The following RSU1 variants were observed in gnomAD, a reference collection of about 807,000 sequenced individuals.
RSU1 encodes rsu-1.
A neutral mutation model predicts 31.1 loss-of-function variants in RSU1; 26 were observed. That is an observed-to-expected ratio of 0.84 (90% CI 0.61 to 1.16). RSU1 has a LOEUF of 1.16. RSU1 is among the 50% of genes most tolerant of loss of function. The pLI, the probability that RSU1 is intolerant of heterozygous loss-of-function variation, is 0.00. For synonymous variants in RSU1, 164 were observed against 136.3 expected (o/e 1.20, Z -1.41); for missense variants, 320 against 339.1 (o/e 0.94, Z 0.44).
chr10:16,757,116 C>CGTGTGT (rs368041257), intron 4 of RSU1, among the ~76,000 whole-genome samples: 7 of 137,584 alleles, frequency 5.1e-5, no homozygotes, highest in Non-Finnish European at 9.5e-5. Context: ...TGTGGGTGTG[C>CGTGTGT]GTGTGTGTGT....
chr10:16,726,487 G>A (rs953434003), intron 7 of RSU1, among the ~76,000 whole-genome samples: 6 of 151,940 alleles, frequency 3.9e-5, no homozygotes, highest in African/African-American at 1.2e-4. Flanking sequence ...GGATGGTCCC[G>A]ATATCTTGAC....
chr10:16,674,665 T>C (rs1447996099), intron 8 of RSU1, among the ~76,000 whole-genome samples: 1 of 151,918 alleles, frequency 6.6e-6, no homozygotes, highest in Non-Finnish European at 1.5e-5. Context: ...ACAGTGATAA[T>C]GGAAAAAACT....
chr10:16,744,176 G>A (rs1836803756), intron 7 of RSU1, among the ~76,000 whole-genome samples: 1 of 151,434 alleles, frequency 6.6e-6, no homozygotes. Context: ...TATAAGAGCT[G>A]AACTACTTTG....
At chr10:16,638,761 G>A (rs1834390935) in intron 8 of RSU1, among the ~76,000 whole-genome samples, 1 of 152,208 alleles carries the variant, frequency 6.6e-6, no homozygotes, top group African/African-American at 2.4e-5. Context: ...CGGGAATGGT[G>A]GGGTGCACGG....
At chr10:16,778,688 AGAGGAGGAGG>A (rs971773314) in intron 3 of RSU1, among the ~76,000 whole-genome samples, 2 of 152,214 alleles carry the variant, frequency 1.3e-5, no homozygotes, top group Admixed American at 6.5e-5. Context: ...AGGCTGGTAG[AGAGGAGGAGG>A]GAGGAGGAGA....
chr10:16,713,855 A>C (rs1836071186), intron 7 of RSU1, among the ~76,000 whole-genome samples: 1 of 152,102 alleles, frequency 6.6e-6, no homozygotes, highest in Admixed American at 6.6e-5. Context: ...TTCTTCCTGT[A>C]GATAGGTCCC....
At chr10:16,617,038 T>C (rs1228384036) in intron 8 of RSU1, among the ~76,000 whole-genome samples, 1 of 152,176 alleles carries the variant, frequency 6.6e-6, no homozygotes, top group Non-Finnish European at 1.5e-5. Flanking sequence ...AGAGAGGAAG[T>C]CAAATTGTCT....
chr10:16,701,324 T>C (rs1178195761), intron 7 of RSU1, among the ~76,000 whole-genome samples: 2 of 152,210 alleles, frequency 1.3e-5, no homozygotes, highest in African/African-American at 4.8e-5. Context: ...GCGTAATAGA[T>C]GACGGTCTAA....
At chr10:16,740,901 A>G (rs528824793) in intron 7 of RSU1, among the ~76,000 whole-genome samples, 240 of 152,352 alleles carry the variant, frequency 1.6e-3, no homozygotes, top group African/African-American at 5.3e-3. Context: ...AATAATCTAC[A>G]AATTCGGTGC....
intron 8 of RSU1, among the ~76,000 whole-genome samples, chr10:16,597,933 C>T (rs576526887): frequency 5.3e-5 from 8 of 152,340 alleles, no homozygotes; most frequent in East Asian, 1.9e-4. Flanking sequence ...TTTTACTAAG[C>T]GGCCATAAGT....
At chr10:16,651,338 AG>A (rs1834680995) in intron 8 of RSU1, among the ~76,000 whole-genome samples, 2 of 152,354 alleles carry the variant, frequency 1.3e-5, no homozygotes, top group Non-Finnish European at 2.9e-5. Flanking sequence ...AATTTATTCA[AG>A]GAAGTGTCAG....
At chr10:16,613,043 T>C (rs548343106) in intron 8 of RSU1, among the ~76,000 whole-genome samples, 26 of 152,284 alleles carry the variant, frequency 1.7e-4, no homozygotes, top group East Asian at 3.9e-4. Context: ...AATAACTCTT[T>C]GTTCAATTCA....
At chr10:16,725,785 C>A (rs1050321745) in intron 7 of RSU1, among the ~76,000 whole-genome samples, 1 of 148,182 alleles carries the variant, frequency 6.7e-6, no homozygotes, top group Non-Finnish European at 1.5e-5. Context: ...TTATAAATTA[C>A]CCAGTCTCAA....
intron 2 of RSU1, among the ~76,000 whole-genome samples, chr10:16,795,407 T>C (rs561796287): frequency 7.3e-6 from 1 of 137,416 alleles, no homozygotes; most frequent in East Asian, 2.2e-4. Flanking sequence ...CAAACAACAA[T>C]AGCTAATGCT....
intron 7 of RSU1, among the ~76,000 whole-genome samples, chr10:16,710,483 C>T (rs1027186650): frequency 1.3e-5 from 2 of 151,994 alleles, no homozygotes; most frequent in African/African-American, 4.8e-5. Flanking sequence ...GTTGTTGTAT[C>T]GTTGTCTGGT....
At chr10:16,771,297 T>C (rs564971691) in intron 3 of RSU1, among the ~76,000 whole-genome samples, 5 of 152,036 alleles carry the variant, frequency 3.3e-5, no homozygotes, top group African/African-American at 9.7e-5. Context: ...AATATGATAG[T>C]GAAAAACAAG....
intron 8 of RSU1, among the ~76,000 whole-genome samples, chr10:16,661,956 C>A (rs992783703): frequency 6.6e-6 from 1 of 152,218 alleles, no homozygotes; most frequent in Non-Finnish European, 1.5e-5. Context: ...CATTCTGCAT[C>A]TAGTCTACCA....
At chr10:16,696,339 T>C (rs893174103) in intron 7 of RSU1, among the ~76,000 whole-genome samples, 9 of 152,222 alleles carry the variant, frequency 5.9e-5, no homozygotes, top group African/African-American at 2.4e-5. Context: ...AAGCAAATCA[T>C]TGCCTAGCTG....
chr10:16,746,193 A>G (rs528555481), intron 7 of RSU1, among the ~76,000 whole-genome samples: 1 of 152,328 alleles, frequency 6.6e-6, no homozygotes, highest in African/African-American at 2.4e-5. Flanking sequence ...AGTATGCTAG[A>G]AAATACTATG....
Sources: allele counts gnomAD v4.1 joint callset (sites outside exome capture counted in the v4.1 genomes callset), GRCh38; gene constraint gnomAD v4.1.1; transcripts MANE v1.5; gene names NCBI Gene and HGNC (gene_info 2026-07-23, HGNC 2026-07-21).